The following NRXN3 variants were observed in gnomAD, a reference collection of about 807,000 sequenced individuals.
NRXN3 encodes neurexin 3, also known as neurexin III.
In NRXN3, 32 loss-of-function variants were observed where a neutral mutation model predicts 137.6. That is an observed-to-expected ratio of 0.23 (90% CI 0.18 to 0.31). The LOEUF is 0.31. Among genes scored for constraint, NRXN3 ranks in the 10% least tolerant of loss-of-function variants. The pLI, the probability that NRXN3 is intolerant of heterozygous loss-of-function variation, is 1.00. For synonymous variants in NRXN3, 798 were observed against 784.5 expected (o/e 1.02, Z -0.29); for missense variants, 1,574 against 2,062.5 (o/e 0.76, Z 4.59).
chr14:79,708,992 AGAGAGAGACAGG>A (rs2098792553), intron 19 of NRXN3, among the ~76,000 whole-genome samples: 1 of 152,002 alleles, frequency 6.6e-6, no homozygotes, highest in Non-Finnish European at 1.5e-5. Flanking sequence ...TGAGAGAGAG[AGAGAGAGACAGG>A]GAGAGAGGGA....
intron 15 of NRXN3, among the ~76,000 whole-genome samples, chr14:79,087,321 C>T (rs372456868): frequency 2.0e-5 from 3 of 152,156 alleles, no homozygotes; most frequent in African/African-American, 7.2e-5. Flanking sequence ...CCCCAGGTCT[C>T]ATTTGCTGGC....
At chr14:79,535,024 GA>G (rs545829804) in intron 16 of NRXN3, among the ~76,000 whole-genome samples, 74 of 152,244 alleles carry the variant, frequency 4.9e-4, no homozygotes, top group Non-Finnish European at 9.3e-4. Context: ...GATACCTGTG[GA>G]AACTGTCAAA....
chr14:79,017,252 C>T (rs760800820), intron 15 of NRXN3, among the ~76,000 whole-genome samples: 10 of 151,506 alleles, frequency 6.6e-5, no homozygotes, highest in Non-Finnish European at 1.5e-4. Context: ...CCCATCTACC[C>T]CTTTCTACAA....
At chr14:78,219,675 A>G (rs1230200570) in intron 1 of NRXN3, among the ~76,000 whole-genome samples, 1 of 152,228 alleles carries the variant, frequency 6.6e-6, no homozygotes, top group Non-Finnish European at 1.5e-5. Flanking sequence ...GTTTTCAAAA[A>G]TGTTATTTGT....
chr14:78,311,934 G>A (rs760792396), intron 4 of NRXN3, among the ~76,000 whole-genome samples: 3 of 152,266 alleles, frequency 2.0e-5, no homozygotes, highest in Non-Finnish European at 4.4e-5. Flanking sequence ...CTGTGATTTT[G>A]TGGATGACAG....
At chr14:78,564,157 CT>C (rs1246248656) in intron 4 of NRXN3, among the ~76,000 whole-genome samples, 1 of 152,154 alleles carries the variant, frequency 6.6e-6, no homozygotes, top group Non-Finnish European at 1.5e-5. Flanking sequence ...CAATTTCTCC[CT>C]TATAATAATA....
intron 8 of NRXN3, among the ~76,000 whole-genome samples, chr14:78,788,080 G>T (rs951987719): frequency 3.9e-5 from 6 of 152,086 alleles, no homozygotes; most frequent in Non-Finnish European, 7.4e-5. Context: ...CAAGATTTAC[G>T]TAAGGGAAAA....
At chr14:78,332,220 C>T (rs117173242) in intron 4 of NRXN3, among the ~76,000 whole-genome samples, 1,862 of 152,258 alleles carry the variant, frequency 0.012, 24 homozygotes, top group Non-Finnish European at 0.014. Flanking sequence ...CGATAAATAT[C>T]TTTTCCCTTA....
Position 79,374,538 on chromosome 14 carries a change from A to T in NRXN3, c.3263-92683A>T, listed in dbSNP as rs566837036. ...TTTTTTAAAAAATTAATCCTGCATA[A>T]TGTGGCTTACTTTCCAATCTGACTC... On this transcript the variant is annotated intron_variant, in intron 15 of 20. Coordinates refer to ENST00000335750, the MANE Select transcript of NRXN3 (RefSeq NM_001330195.2). Among the ~76,000 whole-genome samples, 4 of 152,102 alleles carry T rather than the reference A, an allele frequency of 2.6e-5. No homozygotes were observed. In the East Asian group the frequency reaches 7.7e-4, roughly 29 times the overall value.
At position 78,656,761 on chromosome 14, in the gene NRXN3, C is replaced by T. The variant is rs141277565; in HGVS notation, c.1221+5435C>T. On this transcript the variant is annotated intron_variant, in intron 6 of 20. Coordinates refer to ENST00000335750, the MANE Select transcript of NRXN3 (RefSeq NM_001330195.2). ...ATCAGGGATAGAAATGGTGGTCCCT[C>T]GGCCGAGTGCGGTGGCTTACGCCTG... is the stretch of plus-strand genomic sequence containing the variant. 8.0e-3 allele frequency among the ~76,000 whole-genome samples: 1,220 copies of T among 152,104 alleles called. 4 individuals are homozygous for T. Among genetic ancestry groups the T allele is most frequent in the Non-Finnish European group, 0.013 (893 of 67,990 alleles).
At chr14:78,238,140 C>CCT (rs1555420705) in intron 1 of NRXN3, among the ~76,000 whole-genome samples, 1 of 17,418 alleles carries the variant, frequency 5.7e-5, no homozygotes, top group African/African-American at 2.5e-4. Context: ...GTTGTGTGAG[C>CCT]CCCCCCCACC....
rs1046045491 is a variant in NRXN3 at position 78,853,013 on chromosome 14, G to A, written c.2275+42669G>A. ...TCCATCCATATTGATGCAAATGACA[G>A]AATCTCATTCATTTTTATGGCTGAA... On this transcript the variant is annotated intron_variant, in intron 10 of 20. Coordinates refer to ENST00000335750, the MANE Select transcript of NRXN3 (RefSeq NM_001330195.2). 4.6e-5 allele frequency among the ~76,000 whole-genome samples: 7 copies of A among 152,074 alleles called. No homozygotes were observed. The East Asian group carries it at 1.4e-3, about 29-fold the overall frequency.
intron 15 of NRXN3, among the ~76,000 whole-genome samples, chr14:79,274,306 A>G (rs2153430993): frequency 6.6e-6 from 1 of 152,254 alleles, no homozygotes; most frequent in African/African-American, 2.4e-5. Flanking sequence ...TACCTATTGC[A>G]ATGATTCTGA....
At chr14:79,401,414 A>G (rs1440231032) in intron 15 of NRXN3, among the ~76,000 whole-genome samples, 1 of 152,176 alleles carries the variant, frequency 6.6e-6, no homozygotes, top group Non-Finnish European at 1.5e-5. Flanking sequence ...CTCTAGTCCC[A>G]CACCAGACTT....
intron 19 of NRXN3, among the ~76,000 whole-genome samples, chr14:79,737,942 A>C (rs1185584639): frequency 2.0e-5 from 3 of 152,176 alleles, no homozygotes; most frequent in Non-Finnish European, 4.4e-5. Flanking sequence ...ATAGAATCCA[A>C]CATTCTGTTG....
chr14:79,684,717 A>T (rs1026759256), intron 17 of NRXN3, among the ~76,000 whole-genome samples: 3 of 152,190 alleles, frequency 2.0e-5, no homozygotes, highest in African/African-American at 4.8e-5. Context: ...ACAGAATTTT[A>T]AAAAATCAAA....
chr14:79,327,519 A>C (rs1030940458), intron 15 of NRXN3, among the ~76,000 whole-genome samples: 1 of 152,068 alleles, frequency 6.6e-6, no homozygotes, highest in African/African-American at 2.4e-5. Context: ...GAATTAGCAC[A>C]TTCCCCCACA....
At chr14:79,679,983 G>C (rs904243457) in intron 17 of NRXN3, among the ~76,000 whole-genome samples, 1 of 152,082 alleles carries the variant, frequency 6.6e-6, no homozygotes, top group Non-Finnish European at 1.5e-5. Context: ...TAACCCCTTA[G>C]TCCCTGGATC....
intron 15 of NRXN3, among the ~76,000 whole-genome samples, chr14:79,358,607 G>GAGAAAGAAAGAAGGAAAGAAAGAA (rs1555397490): frequency 7.1e-4 from 57 of 79,984 alleles, no homozygotes; most frequent in African/African-American, 2.3e-3. Flanking sequence ...AAGAAAGAAA[G>GAGAAAGAAAGAAGGAAAGAAAGAA]AGAAAGAAAG....
Sources: allele counts gnomAD v4.1 joint callset (sites outside exome capture counted in the v4.1 genomes callset), GRCh38; gene constraint gnomAD v4.1.1; transcripts MANE v1.5; gene names NCBI Gene and HGNC (gene_info 2026-07-23, HGNC 2026-07-21).